SNRNP200: variants seen among roughly 807,000 people sequenced by gnomAD.
SNRNP200 encodes the protein U5 small nuclear ribonucleoprotein 200 kDa helicase.
A neutral mutation model predicts 255.2 loss-of-function variants in SNRNP200; 66 were observed. The ratio of observed to expected loss-of-function variants is 0.26; its 90% CI spans 0.21 to 0.32. The LOEUF is 0.32. Ranked by LOEUF, SNRNP200 falls within the 10% of genes least tolerant of loss-of-function variation. SNRNP200 has a pLI of 1.00. For synonymous variants in SNRNP200, 939 were observed against 1,027.8 expected, an observed-to-expected ratio of 0.91 and a Z score of 1.65; for missense variants, 1,585 against 2,749.8, an observed-to-expected ratio of 0.58 and a Z score of 9.47.
Position 96,301,519 on chromosome 2 carries a change from C to T in SNRNP200, c.574+5G>A, listed in dbSNP as rs759165717. ...ACATGATCAGAACATAAAGCGCGCACTTACCCATATTTTGGATTTCCTTAT... is the reference window on the plus strand; with the variant it reads ...ACATGATCAGAACATAAAGCGCGCATTTACCCATATTTTGGATTTCCTTAT... On this transcript the variant is annotated splice_donor_5th_base_variant and intron_variant, in intron 4 of 44. Coordinates refer to ENST00000323853, the MANE Select transcript of SNRNP200 (RefSeq NM_014014.5). The T allele has an allele frequency of 1.2e-6, 2 of 1,614,126 alleles. No individual in the cohort carries two copies. Among genetic ancestry groups the T allele is most frequent in the South Asian group, 2.2e-5 (2 of 91,080 alleles).
Position 96,286,245 on chromosome 2 carries a change from T to A in SNRNP200, c.4003+66A>T. Reference sequence around the variant, plus strand: ...GCCTGAGCACCCCCACTCCCCTGCCTGCCACAGAGCACATCTGTCTCCCGG... The same window carrying A: ...GCCTGAGCACCCCCACTCCCCTGCCAGCCACAGAGCACATCTGTCTCCCGG... On this transcript the variant is annotated intron_variant, in intron 29 of 44. Transcript: ENST00000323853. This position sits in a 1 kb window ranked among gnomAD's most constrained non-coding sequence, Gnocchi z 4.8. 6.5e-7 allele frequency: 1 copy of A among 1,549,294 alleles called. No homozygotes were observed. The highest frequency in any genetic ancestry group is 8.9e-7 in the Non-Finnish European group (1 of 1,122,120).
At chr2:96,294,045 G>T (rs1275209482) in intron 14 of SNRNP200, among the ~76,000 whole-genome samples, 1 of 149,428 alleles carries the variant, frequency 6.7e-6, no homozygotes, top group Non-Finnish European at 1.5e-5. Context: ...CTGCTGCTAT[G>T]ACCCCAACCA....
rs756178830 is a variant in SNRNP200, at chr2:96,291,895, C to T, written c.2166G>A (p.Leu722=). The T allele has an allele frequency of 2.5e-6, 4 of 1,613,902 alleles. No individual in the cohort carries two copies. In the South Asian group the frequency reaches 3.3e-5, roughly 13 times the overall value. Residue 722 remains leucine (L), a synonymous_variant, in exon 17 of 45, where the codon CTG becomes CTA. Transcript: ENST00000323853. The surrounding 1 kb of genome is among the most constrained non-coding windows in gnomAD (Gnocchi z 4.2). ...TCTCCTTCCGGGAGTGGACAAACAC[C>T]AGCACCTAAGGAGAAGCCACAGTTT... ...IMEHAGKNQV[L]VFVHSRKETG... is the part of the protein sequence containing the mutation.
intron 2 of SNRNP200, among the ~76,000 whole-genome samples, 158 bp downstream of exon 2, chr2:96,304,547 C>CA (rs2063974943): frequency 6.6e-6 from 1 of 152,146 alleles, no homozygotes; most frequent in African/African-American, 2.4e-5. Context: ...TTGTTAAGGC[C>CA]AAAAAATCTT....
chr2:96,305,442 G>A lies in SNRNP200; in HGVS notation c.-5C>T, dbSNP rs759251057. ...ACGGGCGGTTACATCCGCCATGGCC[G>A]CGGCTGCTCGGAGGCTTCAGACCAC... On this transcript the variant is annotated 5_prime_UTR_variant, in exon 1 of 45. Coordinates refer to ENST00000323853, the MANE Select transcript of SNRNP200 (RefSeq NM_014014.5). The A allele has an allele frequency of 4.3e-6, 7 of 1,614,072 alleles. No individual in the cohort carries two copies. In the African/African-American group the frequency reaches 5.3e-5, roughly 12 times the overall value.
intron 14 of SNRNP200, among the ~76,000 whole-genome samples, chr2:96,294,143 A>AG (rs939551031): frequency 6.6e-6 from 1 of 151,820 alleles, no homozygotes; most frequent in African/African-American, 2.4e-5. Flanking sequence ...AAAAAAAAAA[A>AG]AAAAAAAAAG....
intron 3 of SNRNP200, 44 bp downstream of exon 3, chr2:96,303,115 A>T: frequency 4.4e-6 from 7 of 1,597,664 alleles, no homozygotes; most frequent in Non-Finnish European, 6.0e-6. Context: ...TATGCCAGAA[A>T]ATGAAATAAA....
rs1684719895 is a variant in SNRNP200, at chr2:96,279,245, ACCT to A, written c.5133+203_5133+205del. The A allele has an allele frequency of 1.7e-5, 11 of 649,438 alleles. No homozygotes were observed. In the South Asian group the frequency reaches 2.0e-4, roughly 12 times the overall value. The allele number at this position is 649,438 out of a possible 1,614,324, so 40.2% of individuals were successfully genotyped here. A position where few individuals can be genotyped will look rare whatever the true frequency, so the allele number is the denominator to read the frequency against. ...GGAGAGAACCAAGTAGAGGGTGAAG[ACCT>A]CAACACGTGGAGCCAACGGCAGCAG... On this transcript the variant is annotated intron_variant, in intron 36 of 44. Transcript: ENST00000323853.
chr2:96,303,089 A>G (rs1574002487), intron 3 of SNRNP200, 70 bp downstream of exon 3: 1 of 1,522,142 alleles, frequency 6.6e-7, no homozygotes, highest in East Asian at 2.3e-5. Flanking sequence ...GAAGATTCCA[A>G]GGATCTTAGA....
chr2:96,299,373 T>C lies in SNRNP200; in HGVS notation c.685A>G (p.Met229Val), dbSNP rs779316946. 3.5e-5 allele frequency: 56 copies of C among 1,614,050 alleles called. No individual in the cohort carries two copies. Among genetic ancestry groups the C allele is most frequent in the Non-Finnish European group, 4.6e-5 (54 of 1,180,040 alleles). Residue 229 changes from methionine to valine, a missense_variant, in exon 6 of 45, where the codon ATG (methionine) becomes GTG (valine). By Grantham distance (21) the Met-to-Val change is conservative. Transcript: ENST00000323853. ...CGCACGACAGCCTCGTCCCCTTCCA[T>C]GTCATCATCAGATGCCTCTTCTCGA... Reference protein sequence around the residue: ...EVREEASDDDMEGDEAVVRCT... With the variant: ...EVREEASDDDVEGDEAVVRCT...
Position 96,279,482 on chromosome 2 carries a change from C to T in SNRNP200, c.5102G>A (p.Arg1701His), listed in dbSNP as rs555364253. The change falls in exon 36 of 45, where the codon CGC becomes CAC. Residue 1701 changes from arginine to histidine, a missense_variant. Arg to His is a conservative substitution (Grantham distance 29). Transcript: ENST00000323853. ...ANRPLQDDEGRCVIMCQGSKK... is the reference protein window; with the variant it reads ...ANRPLQDDEGHCVIMCQGSKK... ...GGAGCCCTGACACATGATGACACAG[C>T]GCCCCTCATCGTCCTGCAAAGGGCG... 13 of 1,613,838 alleles carry T rather than the reference C, an allele frequency of 8.1e-6. No homozygotes were observed. The highest frequency in any genetic ancestry group is 1.1e-5 in the Non-Finnish European group (13 of 1,179,754).
At chr2:96,303,553 T>C (rs1170973709) in intron 2 of SNRNP200, among the ~76,000 whole-genome samples, 1 of 152,186 alleles carries the variant, frequency 6.6e-6, no homozygotes, top group Non-Finnish European at 1.5e-5. Flanking sequence ...ATCTTCTCAC[T>C]AGATGCACTA....
rs550918312 is a variant in SNRNP200, at chr2:96,305,438, G to A, written c.-1C>T. The stretch of plus-strand genomic sequence containing the variant: ...GACTACGGGCGGTTACATCCGCCAT[G>A]GCCGCGGCTGCTCGGAGGCTTCAGA... On this transcript the variant is annotated 5_prime_UTR_variant, in exon 1 of 45. Transcript: ENST00000323853. 8 of 1,614,134 alleles carry A rather than the reference G, an allele frequency of 5.0e-6. No individual in the cohort carries two copies. The highest frequency in any genetic ancestry group is 6.8e-6 in the Non-Finnish European group (8 of 1,180,044).
Position 96,283,494 on chromosome 2 carries a change from C to A in SNRNP200, c.4763+41G>T, listed in dbSNP as rs1370676210. ...ACACCCTTGGAGTAGGCCAGCCTCA[C>A]TTAACCTAACCCCAACCCCCAGACG... On this transcript the variant is annotated intron_variant, in intron 33 of 44. Coordinates refer to ENST00000323853, the MANE Select transcript of SNRNP200 (RefSeq NM_014014.5). This position sits in a 1 kb window ranked among gnomAD's most constrained non-coding sequence, Gnocchi z 4.7. 6.2e-7 allele frequency: 1 copy of A among 1,614,018 alleles called. No individual in the cohort carries two copies. The highest frequency in any genetic ancestry group is 8.5e-7 in the Non-Finnish European group (1 of 1,179,988).
chr2:96,285,396 T>G, intron 29 of SNRNP200, 56 bp from the exon 30 acceptor site: 2 of 1,572,612 alleles, frequency 1.3e-6, no homozygotes, highest in Non-Finnish European at 1.7e-6. Flanking sequence ...AGAGACGGAC[T>G]GGGACATGGA....
In SNRNP200 at chr2:96,285,738, G is replaced by A. The variant is rs148226437; in HGVS notation, c.4004-398C>T. Among the ~76,000 whole-genome samples, 1,370 of 152,328 alleles carry A rather than the reference G, an allele frequency of 9.0e-3. 66 individuals are homozygous for A. Among genetic ancestry groups the A allele is most frequent in the Admixed American group, 0.065 (997 of 15,308 alleles). The stretch of plus-strand genomic sequence containing the variant: ...TCCTAGAAATAGCCTAAGGTAGAAA[G>A]TAAGAGCCTTATCCCTGGCATCAAG... On this transcript the variant is annotated intron_variant, in intron 29 of 44. Coordinates refer to ENST00000323853, the MANE Select transcript of SNRNP200 (RefSeq NM_014014.5).
chr2:96,287,316 T>C lies in SNRNP200; in HGVS notation c.3484+123A>G. The stretch of plus-strand genomic sequence containing the variant: ...CCCAGACCAAGGGCCAGCCTGTACT[T>C]CAGTGGGACTTGGGGAGTGAACACA... On this transcript the variant is annotated intron_variant, in intron 26 of 44. Coordinates refer to ENST00000323853, the MANE Select transcript of SNRNP200 (RefSeq NM_014014.5). This position sits in a 1 kb window ranked among gnomAD's most constrained non-coding sequence, Gnocchi z 5.7. The C allele has an allele frequency of 8.5e-7, 1 of 1,180,146 alleles. No individual in the cohort carries two copies. The highest frequency in any genetic ancestry group is 1.3e-6 in the Non-Finnish European group (1 of 784,910). The allele number at this position is 1,180,146 out of a possible 1,614,324, so 73.1% of individuals were successfully genotyped here.
rs2104348502 is a variant in SNRNP200 at position 96,289,883 on chromosome 2, G to C, written c.2856C>G (p.Arg952=). The C allele has an allele frequency of 6.2e-7, 1 of 1,614,156 alleles. No individual in the cohort carries two copies. ...CAGCTGTATGAACCAGATCTAGTCG[G>C]CGCTGGTCCAGCAGGGGATCTCCCT... The part of the protein sequence containing the change: ...DLKGDPLLDQ[R]RLDLVHTAAL... Residue 952 remains arginine, a synonymous_variant, in exon 21 of 45, where the codon CGC becomes CGG. Coordinates refer to ENST00000323853, the MANE Select transcript of SNRNP200 (RefSeq NM_014014.5).
chr2:96,277,661 T>C lies in SNRNP200; in HGVS notation c.5809A>G (p.Ser1937Gly), dbSNP rs747732337. 1 of 1,614,182 alleles carries C rather than the reference T, an allele frequency of 6.2e-7. No homozygotes were observed. Among genetic ancestry groups the C allele is most frequent in the Admixed American group, 1.7e-5 (1 of 60,022 alleles). ...VDVLSSNGWL[S>G]PALAAMELAQ... ...AGTTCCATAGCTGCCAGAGCAGGGC[T>C]GAGCCACCCATTGCTGGAAAGGACA... The change falls in exon 41 of 45, where the codon AGC (serine) becomes GGC (glycine). Residue 1937 changes from serine (S) to glycine (G), a missense_variant. Transcript: ENST00000323853. The surrounding 1 kb of genome is among the most constrained non-coding windows in gnomAD (Gnocchi z 4.4).
Sources: allele counts gnomAD v4.1 joint callset (sites outside exome capture counted in the v4.1 genomes callset), GRCh38; gene constraint gnomAD v4.1.1; non-coding constraint Gnocchi (gnomAD v3.1); transcripts MANE v1.5; gene names NCBI Gene and HGNC (gene_info 2026-07-23, HGNC 2026-07-21).